The following CAST variants were observed in gnomAD, a reference collection of about 807,000 sequenced individuals.
CAST encodes the protein MIR583 host.
CAST carries 76 observed loss-of-function variants against 119.6 expected under a neutral mutation model. That is an observed-to-expected ratio of 0.64 (90% CI 0.53 to 0.77). CAST has a LOEUF of 0.77. Among genes scored for constraint, CAST ranks in the 30% least tolerant of loss-of-function variants. The pLI, the probability that CAST is intolerant of heterozygous loss-of-function variation, is 0.00. For synonymous variants in CAST, 319 were observed against 331.6 expected, an observed-to-expected ratio of 0.96 and a Z score of 0.41; for missense variants, 953 against 946.5, an observed-to-expected ratio of 1.01 and a Z score of -0.09.
the CAST span, among the ~76,000 whole-genome samples, chr5:96,077,552 G>A: frequency 6.6e-6 from 1 of 152,182 alleles, no homozygotes; most frequent in African/African-American, 2.4e-5. Flanking sequence ...GGCTGCTTAG[G>A]TCATGGGGCC....
the CAST span, among the ~76,000 whole-genome samples, chr5:96,071,540 C>G: frequency 1.3e-5 from 2 of 152,100 alleles, no homozygotes; most frequent in African/African-American, 4.8e-5. Flanking sequence ...CATGGACCAG[C>G]CCTCACCTGT....
At chr5:96,393,120 C>A in the CAST span, 2 of 1,614,150 alleles carry the variant, frequency 1.2e-6, no homozygotes. Flanking sequence ...TCTTCAGAGT[C>A]TTTAAGCTGG....
At chr5:96,424,443 T>C in the CAST span, among the ~76,000 whole-genome samples, 1 of 152,232 alleles carries the variant, frequency 6.6e-6, no homozygotes, top group Admixed American at 6.5e-5. Context: ...TCGTGAATTA[T>C]AGTCCCACCA....
At chr5:96,097,144 A>G in the CAST span, among the ~76,000 whole-genome samples, 1 of 152,160 alleles carries the variant, frequency 6.6e-6, no homozygotes, top group Admixed American at 6.5e-5. Flanking sequence ...CAAAGAAATG[A>G]TTTATCCTAA....
the CAST span, among the ~76,000 whole-genome samples, chr5:95,974,161 G>A: frequency 2.0e-5 from 3 of 152,142 alleles, no homozygotes; most frequent in East Asian, 5.8e-4. Flanking sequence ...CTGGACAGTG[G>A]TGACACCTTA....
intron 2 of CAST, among the ~76,000 whole-genome samples, chr5:96,686,033 C>G (rs1285063356): frequency 6.6e-6 from 1 of 152,020 alleles, no homozygotes; most frequent in Admixed American, 6.6e-5. Context: ...TGTGGGAATA[C>G]AGTAGAGCAC....
At chr5:96,012,825 G>A in the CAST span, among the ~76,000 whole-genome samples, 4 of 152,176 alleles carry the variant, frequency 2.6e-5, no homozygotes, top group Non-Finnish European at 5.9e-5. Flanking sequence ...TAGCAGTTGT[G>A]CCATTTTTTT....
intron 1 of CAST, among the ~76,000 whole-genome samples, chr5:96,617,639 A>G (rs979903210): frequency 6.6e-6 from 1 of 151,716 alleles, no homozygotes; most frequent in Non-Finnish European, 1.5e-5. Flanking sequence ...AATACAAAAA[A>G]AAATTAGCCA....
the CAST span, among the ~76,000 whole-genome samples, chr5:96,212,776 A>G: frequency 8.5e-5 from 13 of 152,098 alleles, no homozygotes; most frequent in Non-Finnish European, 1.6e-4. Context: ...CTTTTTGTAC[A>G]CACATTTACG....
chr5:96,001,935 A>T, the CAST span, among the ~76,000 whole-genome samples: 1 of 152,188 alleles, frequency 6.6e-6, no homozygotes, highest in East Asian at 1.9e-4. Context: ...AGAGGAGTCT[A>T]TGTTTCTTTG....
intron 1 of CAST, among the ~76,000 whole-genome samples, chr5:96,648,563 C>T (rs1446123733): frequency 6.6e-6 from 1 of 151,622 alleles, no homozygotes; most frequent in African/African-American, 2.4e-5. Context: ...ATTAATATAT[C>T]TGTGTATTAT....
At chr5:96,156,560 A>G in the CAST span, among the ~76,000 whole-genome samples, 2 of 152,226 alleles carry the variant, frequency 1.3e-5, no homozygotes, top group African/African-American at 4.8e-5. Flanking sequence ...TGAGAAAAAG[A>G]AAGTTGTATG....
chr5:96,503,679 A>G, the CAST span, among the ~76,000 whole-genome samples: 3 of 152,224 alleles, frequency 2.0e-5, no homozygotes, highest in Admixed American at 1.3e-4. Flanking sequence ...GTGCTGCTCT[A>G]TTGAAAAATG....
the CAST span, among the ~76,000 whole-genome samples, chr5:96,000,362 C>G: frequency 1.3e-5 from 2 of 152,134 alleles, no homozygotes; most frequent in South Asian, 4.1e-4. Context: ...CCTATGCTTT[C>G]TGTTATTTAG....
the CAST span, among the ~76,000 whole-genome samples, chr5:96,163,609 A>G: frequency 2.0e-5 from 3 of 152,242 alleles, no homozygotes; most frequent in Non-Finnish European, 2.9e-5. Flanking sequence ...GTAAAAGGAT[A>G]TTGTTTTTAA....
chr5:96,241,382 G>A, the CAST span, among the ~76,000 whole-genome samples: 2 of 152,030 alleles, frequency 1.3e-5, no homozygotes, highest in South Asian at 2.1e-4. Flanking sequence ...TCCCTACAAA[G>A]GACGTGAACT....
At chr5:96,070,152 A>T in the CAST span, among the ~76,000 whole-genome samples, 2 of 152,134 alleles carry the variant, frequency 1.3e-5, no homozygotes, top group African/African-American at 4.8e-5. Context: ...AGGGTAATAT[A>T]CTTCACTTAA....
chr5:96,312,825 T>C, the CAST span, among the ~76,000 whole-genome samples: 5 of 152,140 alleles, frequency 3.3e-5, no homozygotes, highest in Non-Finnish European at 5.9e-5. Context: ...ACATTAGCTA[T>C]AAGTTCAATC....
At chr5:96,073,901 C>A in the CAST span, among the ~76,000 whole-genome samples, 1 of 152,268 alleles carries the variant, frequency 6.6e-6, no homozygotes, top group East Asian at 1.9e-4. Flanking sequence ...TTTTTAGCCA[C>A]CTTGTATTCA....
Sources: allele counts gnomAD v4.1 joint callset (sites outside exome capture counted in the v4.1 genomes callset), GRCh38; gene constraint gnomAD v4.1.1; transcripts MANE v1.5; gene names NCBI Gene and HGNC (gene_info 2026-07-23, HGNC 2026-07-21).